Variants in NEBL observed in about 807,000 individuals in gnomAD.
NEBL encodes the protein nebulette, also known as LIM and SH3 protein 2.
Under a neutral mutation model 140.2 loss-of-function variants are expected in NEBL, and 122 were observed. That is an observed-to-expected ratio of 0.87 (90% confidence interval 0.75 to 1.01). The LOEUF is 1.01. Among genes scored for constraint, NEBL ranks in the 50% least tolerant of loss-of-function variants. The probability of loss-of-function intolerance (pLI) is 0.00; values close to 1 mark genes in which losing one functional copy is unlikely to be tolerated. For synonymous variants in NEBL, 436 were observed against 398.9 expected (o/e 1.09, Z -1.11); for missense variants, 1,365 against 1,231.3 (o/e 1.11, Z -1.62).
chr10:21,232,963 G>A (rs1239853402), intron 3 of NEBL, among the ~76,000 whole-genome samples: 5 of 152,182 alleles, frequency 3.3e-5, no homozygotes, highest in Non-Finnish European at 5.9e-5. Flanking sequence ...TCAGGGTATA[G>A]TTTGAAGACA....
chr10:21,001,327 G>A (rs1219782357), intron 3 of NEBL, among the ~76,000 whole-genome samples: 1 of 152,160 alleles, frequency 6.6e-6, no homozygotes, highest in Non-Finnish European at 1.5e-5. Context: ...GGGACAAGCT[G>A]GGAGCCACGT....
At chr10:21,127,207 A>C (rs1014406970) in intron 2 of NEBL, among the ~76,000 whole-genome samples, 2 of 152,132 alleles carry the variant, frequency 1.3e-5, no homozygotes, top group South Asian at 4.1e-4. Context: ...AAATGGATCA[A>C]TAACAGAAAA....
rs1351175342 is a variant in NEBL, at chr10:20,785,348, C to T, written c.*399G>A. 5 of 230,648 alleles carry T rather than the reference C, an allele frequency of 2.2e-5. No homozygotes were observed. The East Asian group carries it at 4.4e-4, about 20-fold the overall frequency. 14.3% of individuals were successfully genotyped at this position (230,648 alleles called of 1,614,324 possible). ...AAAACGGGTTTGAAATTATTGGCTGCATTACAGAGTTAAGAGAATTGGCTT... is the reference window on the plus strand; with the variant it reads ...AAAACGGGTTTGAAATTATTGGCTGTATTACAGAGTTAAGAGAATTGGCTT... On this transcript the variant is annotated 3_prime_UTR_variant, in exon 28 of 28. Coordinates refer to ENST00000377122, the MANE Select transcript of NEBL (RefSeq NM_006393.3).
At chr10:21,291,012 C>T (rs1457757741) in intron 1 of NEBL, among the ~76,000 whole-genome samples, 2 of 152,238 alleles carry the variant, frequency 1.3e-5, no homozygotes, top group Non-Finnish European at 2.9e-5. Context: ...GCTACACCCA[C>T]ACCAGATGCC....
At chr10:20,864,297 C>T (rs985230494) in intron 7 of NEBL, among the ~76,000 whole-genome samples, 2 of 152,134 alleles carry the variant, frequency 1.3e-5, no homozygotes, top group East Asian at 1.9e-4. Flanking sequence ...CCTTCATCTT[C>T]GCATAGGAGA....
chr10:20,840,989 T>C, intron 12 of NEBL, 140 bp from the exon 13 acceptor site: 1 of 643,296 alleles, frequency 1.6e-6, no homozygotes, highest in Non-Finnish European at 2.8e-6. Context: ...GTATTCATGC[T>C]TTTTTCCTAC....
At chr10:21,116,448 A>C (rs1374593303) in intron 2 of NEBL, among the ~76,000 whole-genome samples, 2 of 152,062 alleles carry the variant, frequency 1.3e-5, no homozygotes, top group Non-Finnish European at 2.9e-5. Flanking sequence ...CCTGACACTA[A>C]TTACCAAATT....
At chr10:21,100,509 G>A (rs1375989330) in intron 2 of NEBL, among the ~76,000 whole-genome samples, 1 of 152,158 alleles carries the variant, frequency 6.6e-6, no homozygotes, top group Non-Finnish European at 1.5e-5. Flanking sequence ...TGAGGATGAG[G>A]CCGTCCAGTT....
At chr10:20,796,958 G>T (rs1307629899) in intron 26 of NEBL, among the ~76,000 whole-genome samples, 1 of 152,166 alleles carries the variant, frequency 6.6e-6, no homozygotes, top group East Asian at 1.9e-4. Context: ...AGAAAGGAAT[G>T]TACAGTGCAG....
At chr10:21,098,285 A>G (rs1837296436) in intron 2 of NEBL, among the ~76,000 whole-genome samples, 1 of 152,194 alleles carries the variant, frequency 6.6e-6, no homozygotes, top group South Asian at 2.1e-4. Flanking sequence ...CAGAGAGTGC[A>G]GAAATGAAAG....
intron 2 of NEBL, among the ~76,000 whole-genome samples, chr10:21,169,067 A>AAAATATATATAT (rs1554830679): frequency 2.0e-3 from 46 of 23,054 alleles, no homozygotes; most frequent in Non-Finnish European, 2.9e-3. Context: ...AAAAAAAAAA[A>AAAATATATATAT]ATATATATAT....
chr10:21,161,683 C>T (rs1564531875), intron 2 of NEBL, among the ~76,000 whole-genome samples: 1 of 152,078 alleles, frequency 6.6e-6, no homozygotes, highest in Non-Finnish European at 1.5e-5. Flanking sequence ...CTTCTATTGA[C>T]TGACTGGGGA....
chr10:20,866,611 C>A (rs1488985512), intron 7 of NEBL, among the ~76,000 whole-genome samples: 2 of 152,156 alleles, frequency 1.3e-5, no homozygotes, highest in Non-Finnish European at 2.9e-5. Context: ...ATACTCCCAG[C>A]CTGTATTTGG....
At chr10:21,214,588 T>C (rs1841965090) in intron 3 of NEBL, among the ~76,000 whole-genome samples, 1 of 149,734 alleles carries the variant, frequency 6.7e-6, no homozygotes, top group Non-Finnish European at 1.5e-5. Flanking sequence ...ACATGCACAT[T>C]ACACACACAT....
intron 2 of NEBL, among the ~76,000 whole-genome samples, chr10:20,893,023 G>A (rs1020014890): frequency 1.3e-5 from 2 of 152,166 alleles, no homozygotes; most frequent in African/African-American, 2.4e-5. Context: ...GGCATTGAAA[G>A]GATTTACCCA....
At chr10:21,151,424 T>C (rs1054018081) in intron 2 of NEBL, among the ~76,000 whole-genome samples, 4 of 152,196 alleles carry the variant, frequency 2.6e-5, no homozygotes, top group Admixed American at 1.3e-4. Context: ...TTACAGTAAA[T>C]ATGTGACTGT....
At chr10:21,136,321 C>T (rs1452838242) in intron 2 of NEBL, among the ~76,000 whole-genome samples, 1 of 152,144 alleles carries the variant, frequency 6.6e-6, no homozygotes, top group Non-Finnish European at 1.5e-5. Flanking sequence ...GGACTGCTCT[C>T]CTTCCTACTT....
intron 1 of NEBL, among the ~76,000 whole-genome samples, chr10:21,260,812 G>A (rs1333750485): frequency 2.0e-5 from 3 of 152,152 alleles, no homozygotes; most frequent in African/African-American, 7.2e-5. Flanking sequence ...CAGCAAATCC[G>A]TTCAGAGCAG....
intron 3 of NEBL, among the ~76,000 whole-genome samples, chr10:21,012,413 G>T (rs1170263833): frequency 6.6e-6 from 1 of 152,132 alleles, no homozygotes; most frequent in Admixed American, 6.5e-5. Flanking sequence ...AGGCTGGAGT[G>T]CAGTGGCATG....
Sources: gnomAD v4.1 joint callset for allele counts (sites outside exome capture counted in the v4.1 genomes callset) on GRCh38, gnomAD v4.1.1 for gene constraint, MANE v1.5 for transcripts, NCBI Gene and HGNC (gene_info 2026-07-23, HGNC 2026-07-21) for gene names.